The following ZNF845 variants were observed in gnomAD, a reference collection of about 807,000 sequenced individuals.
ZNF845 encodes the protein zinc finger protein 845.
ZNF845 carries 59 observed loss-of-function variants against 76.1 expected under a neutral mutation model. The ratio of observed to expected loss-of-function variants is 0.78; its 90% CI spans 0.63 to 0.96. ZNF845 has a LOEUF of 0.96. Among genes scored for constraint, ZNF845 ranks in the 40% least tolerant of loss-of-function variants. The pLI, the probability that ZNF845 is intolerant of heterozygous loss-of-function variation, is 0.00. For synonymous variants in ZNF845, 361 were observed against 386.9 expected (o/e 0.93, Z 0.78); for missense variants, 1,045 against 1,172.8 (o/e 0.89, Z 1.59).
Position 53,333,762 on chromosome 19 carries a change from G to T in ZNF845, c.-104G>T. The T allele has an allele frequency of 6.2e-6, 1 of 160,218 alleles. No homozygotes were observed. Among genetic ancestry groups the T allele is most frequent in the South Asian group, 1.7e-4 (1 of 5,944 alleles). 9.9% of individuals were successfully genotyped at this position (160,218 alleles called of 1,614,324 possible). On this transcript the variant is annotated 5_prime_UTR_variant, in exon 1 of 4. Coordinates refer to ENST00000458035, the MANE Select transcript of ZNF845 (RefSeq NM_138374.3). ...GCAGATTCGCGCAAACCCGGAAGCG[G>T]ATCGCATGGAGTGATGGTCCCACCG...
chr19:53,350,221 C>T lies in ZNF845; in HGVS notation c.143-597C>T, dbSNP rs1253908461. 2.0e-5 allele frequency among the ~76,000 whole-genome samples: 3 copies of T among 152,076 alleles called. No homozygotes were observed. In the East Asian group the frequency reaches 5.8e-4, roughly 29 times the overall value. Reference sequence around the variant, plus strand: ...CAATCTCAGCTCACTGCAACCTCTGCCTCTTGGGCTCAAGCAATTCTTGTG... The same window carrying T: ...CAATCTCAGCTCACTGCAACCTCTGTCTCTTGGGCTCAAGCAATTCTTGTG... On this transcript the variant is annotated intron_variant, in intron 3 of 3. Transcript: ENST00000458035.
chr19:53,353,449 G>C lies in ZNF845; in HGVS notation c.2774G>C (p.Arg925Pro). ...TGTAATGAGTGTGGCAAAACCTTCC[G>C]TCACAATTCAGTCCTTGTAATTCAT... is the stretch of plus-strand genomic sequence containing the variant. ...YKCNECGKTFRHNSVLVIHKT... is the reference protein window; with the variant it reads ...YKCNECGKTFPHNSVLVIHKT... The change falls in exon 4 of 4, where the codon CGT becomes CCT. Residue 925 changes from arginine (R) to proline (P), a missense_variant. Transcript: ENST00000458035. 2 of 1,613,248 alleles carry C rather than the reference G, an allele frequency of 1.2e-6. No homozygotes were observed. Among genetic ancestry groups the C allele is most frequent in the South Asian group, 1.1e-5 (1 of 91,016 alleles).
In ZNF845 at chr19:53,352,760, G is replaced by C; in HGVS notation, c.2085G>C (p.Glu695Asp). ...GAGAGAAACCTTACAAGTGTAATGA[G>C]TGTGGCAAGACCTTCGGTCGAAATT... ...HTGEKPYKCN[E>D]CGKTFGRNSA... The change falls in exon 4 of 4, where the codon GAG (glutamate) becomes GAC (aspartate). Residue 695 changes from glutamate to aspartate, a missense_variant. Transcript: ENST00000458035. The C allele has an allele frequency of 1.2e-6, 2 of 1,612,880 alleles. No homozygotes were observed. The highest frequency in any genetic ancestry group is 1.3e-5 in the African/African-American group (1 of 74,542).
At chr19:53,345,660 G>T in intron 3 of ZNF845, 28 bp downstream of exon 3, 1 of 1,609,682 alleles carries the variant, frequency 6.2e-7, no homozygotes, top group Non-Finnish European at 8.5e-7. Flanking sequence ...CCAGAAGTGG[G>T]GATGTGCCCT....
chr19:53,353,883 T>A lies in ZNF845; in HGVS notation c.*295T>A. The A allele has an allele frequency of 9.0e-7, 1 of 1,113,960 alleles. No homozygotes were observed. Among genetic ancestry groups the A allele is most frequent in the Non-Finnish European group, 1.3e-6 (1 of 787,992 alleles). The allele number at this position is 1,113,960 out of a possible 1,614,324, so 69.0% of individuals were successfully genotyped here. A position where few individuals can be genotyped will look rare whatever the true frequency, so the allele number is the denominator to read the frequency against. On this transcript the variant is annotated 3_prime_UTR_variant, in exon 4 of 4. Coordinates refer to ENST00000458035, the MANE Select transcript of ZNF845 (RefSeq NM_138374.3). ...AAAGTCTTCAGTAACACTACAACCG[T>A]TTCAAATCATTGGAGAATCCATAAT...
intron 3 of ZNF845, chr19:53,346,492 C>G (rs2085297780): frequency 7.9e-6 from 2 of 252,940 alleles, no homozygotes; most frequent in Non-Finnish European, 1.6e-5. Context: ...ACCAGCCTGG[C>G]TAGCGTGGCG....
intron 2 of ZNF845, among the ~76,000 whole-genome samples, chr19:53,345,271 G>A (rs375910181): frequency 5.3e-5 from 8 of 151,936 alleles, no homozygotes; most frequent in East Asian, 1.9e-4. Context: ...AGCCGATATC[G>A]TGCCACTGCA....
At chr19:53,349,489 C>G (rs940234016) in intron 3 of ZNF845, among the ~76,000 whole-genome samples, 2 of 150,746 alleles carry the variant, frequency 1.3e-5, no homozygotes, top group Non-Finnish European at 2.9e-5. Flanking sequence ...AGGATGGTCT[C>G]GATCTCCTGA....
chr19:53,351,393 G>T lies in ZNF845; in HGVS notation c.718G>T (p.Ala240Ser). 1 of 1,614,202 alleles carries T rather than the reference G, an allele frequency of 6.2e-7. No individual in the cohort carries two copies. The highest frequency in any genetic ancestry group is 1.1e-5 in the South Asian group (1 of 91,078). The change falls in exon 4 of 4, where the codon GCG becomes TCG. Residue 240 changes from alanine to serine, a missense_variant. Transcript: ENST00000458035. ...GAAACATCAGATAATCCATTTAGGAGCGAAACAATATAAATGTGATGTGTG... is the reference window on the plus strand; with the variant it reads ...GAAACATCAGATAATCCATTTAGGATCGAAACAATATAAATGTGATGTGTG... Reference protein sequence around the residue: ...LRKHQIIHLGAKQYKCDVCGK... With the variant: ...LRKHQIIHLGSKQYKCDVCGK...
chr19:53,353,232 C>G lies in ZNF845; in HGVS notation c.2557C>G (p.His853Asp). 1 of 1,613,842 alleles carries G rather than the reference C, an allele frequency of 6.2e-7. No individual in the cohort carries two copies. Among genetic ancestry groups the G allele is most frequent in the Non-Finnish European group, 8.5e-7 (1 of 1,179,866 alleles). Residue 853 changes from histidine to aspartate, a missense_variant, in exon 4 of 4, where the codon CAT becomes GAT. Transcript: ENST00000458035. ...AGCCCTTGAAATTCATAAGGCAATT[C>G]ATACTGGAGAAAAACCTTACAAGTG... ...NSALEIHKAI[H>D]TGEKPYKCSE...
chr19:53,348,548 T>C (rs1023292466), intron 3 of ZNF845, among the ~76,000 whole-genome samples: 1 of 152,204 alleles, frequency 6.6e-6, no homozygotes, highest in African/African-American at 2.4e-5. Flanking sequence ...AAAGGCCCCA[T>C]CTGCAGGAAC....
At chr19:53,340,181 A>G (rs2085246183) in intron 1 of ZNF845, among the ~76,000 whole-genome samples, 1 of 152,214 alleles carries the variant, frequency 6.6e-6, no homozygotes, top group Admixed American at 6.5e-5. Flanking sequence ...CCTCCTGAGC[A>G]GTGGCGATTA....
At chr19:53,336,639 T>C (rs1446372151) in intron 1 of ZNF845, among the ~76,000 whole-genome samples, 7 of 149,198 alleles carry the variant, frequency 4.7e-5, no homozygotes, top group Admixed American at 6.7e-5. Context: ...CTTTCTTTTT[T>C]TTTTTTTTTT....
Position 53,351,713 on chromosome 19 carries a change from T to C in ZNF845, c.1038T>C (p.Arg346=), listed in dbSNP as rs760025182. The C allele has an allele frequency of 6.2e-7, 1 of 1,614,078 alleles. No individual in the cohort carries two copies. The highest frequency in any genetic ancestry group is 1.1e-5 in the South Asian group (1 of 91,080). Residue 346 remains arginine, a synonymous_variant, in exon 4 of 4, where the codon CGT becomes CGC. Coordinates refer to ENST00000458035, the MANE Select transcript of ZNF845 (RefSeq NM_138374.3). ...FSQTSYLVYH[R]RLHTGEKPYK... ...AAACGTCATACCTTGTGTACCATCG[T>C]AGACTTCATACTGGAGAGAAACCTT... is the stretch of plus-strand genomic sequence containing the variant.
chr19:53,353,790 A>T lies in ZNF845; in HGVS notation c.*202A>T. 6.6e-7 allele frequency: 1 copy of T among 1,509,674 alleles called. No homozygotes were observed. The highest frequency in any genetic ancestry group is 8.9e-7 in the Non-Finnish European group (1 of 1,129,882). The allele number at this position is 1,509,674 out of a possible 1,614,324, so 93.5% of individuals were successfully genotyped here. The stretch of plus-strand genomic sequence containing the variant: ...GAGTGTGGCAAAGCCTTTAGTGGGC[A>T]GTCAACACTTATTCACCATCAGGCA... On this transcript the variant is annotated 3_prime_UTR_variant, in exon 4 of 4. Transcript: ENST00000458035.
In ZNF845 at chr19:53,352,042, G is replaced by C. The variant is rs2085342369; in HGVS notation, c.1367G>C (p.Arg456Thr). 7.4e-6 allele frequency: 12 copies of C among 1,613,506 alleles called. No homozygotes were observed. The East Asian group carries it at 2.7e-4, about 36-fold the overall frequency. ...TTCAGTTTCAAATCGAACCTTGAAAGACATAGGAGAATTCATACTGGAGAG... is the reference window on the plus strand; with the variant it reads ...TTCAGTTTCAAATCGAACCTTGAAACACATAGGAGAATTCATACTGGAGAG... Reference protein sequence around the residue: ...EAFSFKSNLERHRRIHTGEKP... With the variant: ...EAFSFKSNLETHRRIHTGEKP... The change falls in exon 4 of 4, where the codon AGA (arginine) becomes ACA (threonine). Residue 456 changes from arginine to threonine, a missense_variant. Arg to Thr is a moderately conservative substitution (Grantham distance 71, BLOSUM62 -1). Transcript: ENST00000458035.
chr19:53,344,552 A>AT (rs1369079383), intron 2 of ZNF845, among the ~76,000 whole-genome samples: 3 of 149,056 alleles, frequency 2.0e-5, no homozygotes, highest in African/African-American at 7.3e-5. Context: ...AGAAAAAAAA[A>AT]GTTTCTAACA....
rs145558349 is a variant in ZNF845, at chr19:53,351,556, C to T, written c.881C>T (p.Thr294Ile). 5 of 1,614,162 alleles carry T rather than the reference C, an allele frequency of 3.1e-6. No individual in the cohort carries two copies. Among genetic ancestry groups the T allele is most frequent in the Non-Finnish European group, 4.2e-6 (5 of 1,180,004 alleles). The change falls in exon 4 of 4, where the codon ACT (threonine) becomes ATT (isoleucine). Residue 294 changes from threonine (T) to isoleucine (I), a missense_variant. Transcript: ENST00000458035. ...CTTACATGCCATCATAGACTTCATA[C>T]TGGAGAGAAACATTACAAGTGCAGT... ...LTLTCHHRLH[T>I]GEKHYKCSEC...
In ZNF845 at chr19:53,352,356, C is replaced by T. The variant is rs1284288840; in HGVS notation, c.1681C>T (p.Arg561Cys). 18 of 1,611,994 alleles carry T rather than the reference C, an allele frequency of 1.1e-5. No homozygotes were observed. The highest frequency in any genetic ancestry group is 3.3e-5 in the Admixed American group (2 of 59,800). Residue 561 changes from arginine to cysteine, a missense_variant, in exon 4 of 4, where the codon CGT becomes TGT. Physicochemically the swap from Arg to Cys is radical, Grantham distance 180. Transcript: ENST00000458035. ...YQCNECGKAF[R>C]GQSALIYHQA... ...GTGTAATGAGTGTGGCAAAGCCTTTCGTGGGCAGTCAGCACTTATTTACCA... is the reference window on the plus strand; with the variant it reads ...GTGTAATGAGTGTGGCAAAGCCTTTTGTGGGCAGTCAGCACTTATTTACCA...
Sources: allele counts gnomAD v4.1 joint callset (sites outside exome capture counted in the v4.1 genomes callset), GRCh38; gene constraint gnomAD v4.1.1; transcripts MANE v1.5; gene names NCBI Gene and HGNC (gene_info 2026-07-23, HGNC 2026-07-21).